ATP9A: variants seen among roughly 807,000 people sequenced by gnomAD.
The protein encoded by ATP9A is probable phospholipid-transporting ATPase IIA.
ATP9A carries 52 observed loss-of-function variants against 144.1 expected under a neutral mutation model. The observed-to-expected ratio is 0.36, with a 90% CI of 0.29 to 0.45. The LOEUF (loss-of-function observed/expected upper bound fraction) is 0.45. ATP9A is among the 20% of genes least tolerant of loss of function. The pLI, the probability that ATP9A is intolerant of heterozygous loss-of-function variation, is 1.00. For missense variants in ATP9A, 947 were observed against 1,392.7 expected, an observed-to-expected ratio of 0.68 and a Z score of 5.09; for synonymous variants, 582 against 557.4, an observed-to-expected ratio of 1.04 and a Z score of -0.62.
At chr20:51,628,341 G>A (rs912995679) in intron 16 of ATP9A, among the ~76,000 whole-genome samples, 1 of 152,174 alleles carries the variant, frequency 6.6e-6, no homozygotes, top group South Asian at 2.1e-4. Context: ...TGCAGCCTCT[G>A]ATGTGGCCCC....
intron 3 of ATP9A, among the ~76,000 whole-genome samples, chr20:51,713,924 GT>G (rs1278311390): frequency 6.6e-6 from 1 of 152,128 alleles, no homozygotes; most frequent in Non-Finnish European, 1.5e-5. Flanking sequence ...TGTTTTGTTT[GT>G]TTGTTGGAGT....
chr20:51,624,050 A>C (rs1264287358), intron 18 of ATP9A, among the ~76,000 whole-genome samples: 1 of 152,236 alleles, frequency 6.6e-6, no homozygotes, highest in East Asian at 1.9e-4. Context: ...AAGTCTTAGG[A>C]ATGGCCAGGG....
At chr20:51,741,178 G>A (rs2426403) in intron 1 of ATP9A, among the ~76,000 whole-genome samples, 15,200 of 152,146 alleles carry the variant, frequency 0.1, 950 homozygotes, top group South Asian at 0.19. Flanking sequence ...TCATGGCTGA[G>A]AGTTCTACTG....
intron 18 of ATP9A, among the ~76,000 whole-genome samples, chr20:51,623,521 C>T (rs1038751481): frequency 6.6e-6 from 1 of 152,098 alleles, no homozygotes; most frequent in Non-Finnish European, 1.5e-5. Flanking sequence ...TGGCTTACGC[C>T]TATAATCCCA....
At chr20:51,612,402 A>G (rs2077188178) in intron 23 of ATP9A, among the ~76,000 whole-genome samples, 1 of 152,134 alleles carries the variant, frequency 6.6e-6, no homozygotes. Flanking sequence ...TCCACACTTA[A>G]TTGCTACAGA....
In ATP9A at chr20:51,741,363, G is replaced by A. The variant is rs999458683; in HGVS notation, c.69-11385C>T. ...TGGGAGGCCGAGGCAGGCGGATCAC[G>A]AGGTCAGGGGATCGAGACCATCTGA... On this transcript the variant is annotated intron_variant, in intron 1 of 27. Coordinates refer to ENST00000338821, the MANE Select transcript of ATP9A (RefSeq NM_006045.3). Among the ~76,000 whole-genome samples the A allele has an allele frequency of 4.6e-5, 7 of 152,156 alleles. 1 individual carries two copies. The highest frequency in any genetic ancestry group is 3.9e-4 in the Admixed American group (6 of 15,276).
At position 51,601,274 on chromosome 20, in the gene ATP9A, G is replaced by C. The variant is rs776264747; in HGVS notation, c.3081C>G (p.Leu1027=). The C allele has an allele frequency of 6.2e-7, 1 of 1,614,070 alleles. No homozygotes were observed. Among genetic ancestry groups the C allele is most frequent in the Non-Finnish European group, 8.5e-7 (1 of 1,179,956 alleles). ...GTCTTCGCAGGTACTTGAGGACATAGAGGGGGAGGCAGCTGACCAGAGTGA... is the reference window on the plus strand; with the variant it reads ...GTCTTCGCAGGTACTTGAGGACATACAGGGGGAGGCAGCTGACCAGAGTGA... ...SVITLVSCLP[L]YVLKYLRRRF... Residue 1027 remains leucine (L), a synonymous_variant, in exon 28 of 28, where the codon CTC becomes CTG. Coordinates refer to ENST00000338821, the MANE Select transcript of ATP9A (RefSeq NM_006045.3).
At position 51,604,940 on chromosome 20, in the gene ATP9A, T is replaced by A; in HGVS notation, c.2884A>T (p.Ile962Phe). Residue 962 changes from isoleucine (I) to phenylalanine (F), a missense_variant, in exon 27 of 28, where the codon ATC becomes TTC. Transcript: ENST00000338821. Reference protein sequence around the residue: ...HIVAISFTSLILTELLMVALT... With the variant: ...HIVAISFTSLFLTELLMVALT... ...GCCACCATGAGCAGCTCGGTGAGGATCAGCGAGGTGAAGGAGATGGCCACG... is the reference window on the plus strand; with the variant it reads ...GCCACCATGAGCAGCTCGGTGAGGAACAGCGAGGTGAAGGAGATGGCCACG... 1 of 1,613,198 alleles carries A rather than the reference T, an allele frequency of 6.2e-7. No homozygotes were observed. The highest frequency in any genetic ancestry group is 8.5e-7 in the Non-Finnish European group (1 of 1,179,622).
At chr20:51,722,304 C>T (rs1378896884) in intron 3 of ATP9A, among the ~76,000 whole-genome samples, 2 of 152,118 alleles carry the variant, frequency 1.3e-5, no homozygotes, top group African/African-American at 4.8e-5. Context: ...TGACCAAGAA[C>T]CCAAAAGCAA....
At position 51,601,159 on chromosome 20, in the gene ATP9A, C is replaced by A; in HGVS notation, c.*52G>T. ...GGTTAATATAAATGGAACTTGAGCT[C>A]TGTCCATCAGGGAAGCGCCAAGACC... On this transcript the variant is annotated 3_prime_UTR_variant, in exon 28 of 28. Transcript: ENST00000338821. The A allele has an allele frequency of 6.5e-7, 1 of 1,526,872 alleles. No individual in the cohort carries two copies. Among genetic ancestry groups the A allele is most frequent in the Non-Finnish European group, 8.8e-7 (1 of 1,137,342 alleles). 94.6% of individuals were successfully genotyped at this position (1,526,872 alleles called of 1,614,324 possible).
chr20:51,627,512 G>A, intron 17 of ATP9A, 88 bp downstream of exon 17: 1 of 1,203,422 alleles, frequency 8.3e-7, no homozygotes, highest in Non-Finnish European at 1.2e-6. Context: ...ACATCAGAAT[G>A]GCTCGCATAG....
At chr20:51,617,034 C>T (rs2077206021) in intron 22 of ATP9A, among the ~76,000 whole-genome samples, 2 of 151,454 alleles carry the variant, frequency 1.3e-5, no homozygotes, top group African/African-American at 2.4e-5. Flanking sequence ...CTCTGCCTCC[C>T]GGGTTCAGGC....
intron 17 of ATP9A, 143 bp downstream of exon 17, chr20:51,627,457 G>T: frequency 1.3e-6 from 1 of 756,588 alleles, no homozygotes; most frequent in Non-Finnish European, 2.3e-6. Context: ...AGAACGGCAA[G>T]TGCAAAGGCC....
chr20:51,741,609 G>A (rs2077785651), intron 1 of ATP9A, among the ~76,000 whole-genome samples: 1 of 152,052 alleles, frequency 6.6e-6, no homozygotes, highest in Non-Finnish European at 1.5e-5. Flanking sequence ...AAAAGGAAGT[G>A]GACCTCACAA....
chr20:51,629,042 T>C lies in ATP9A; in HGVS notation c.1699A>G (p.Met567Val), dbSNP rs955126827. 2.5e-6 allele frequency: 4 copies of C among 1,614,008 alleles called. No homozygotes were observed. Among genetic ancestry groups the C allele is most frequent in the African/African-American group, 2.7e-5 (2 of 74,932 alleles). The change falls in exon 16 of 28, where the codon ATG becomes GTG. Residue 567 changes from methionine (M) to valine (V), a missense_variant. Around this residue, in one of 2 missense-constraint regions of ATP9A, gnomAD observed 770 missense variants for 1,047.9 expected, o/e 0.73. Transcript: ENST00000338821. ...DESTGEITFY[M>V]KGADVVMAGI... ...GCCATGACCACATCTGCTCCCTTCA[T>C]GTAAAACGTAATTTCTCCAGTTGAT... is the stretch of plus-strand genomic sequence containing the variant.
At chr20:51,765,529 T>C (rs1601153093) in intron 1 of ATP9A, among the ~76,000 whole-genome samples, 1 of 149,672 alleles carries the variant, frequency 6.7e-6, no homozygotes, top group Non-Finnish European at 1.5e-5. Flanking sequence ...TGCATGCCTG[T>C]AATCCCAGCT....
intron 15 of ATP9A, among the ~76,000 whole-genome samples, chr20:51,637,306 TAAAA>T (rs3029335): frequency 1.9e-3 from 171 of 89,980 alleles, no homozygotes; most frequent in African/African-American, 5.3e-3. Context: ...TCCCTAACAT[TAAAA>T]AAAAAAAAAA....
In ATP9A at chr20:51,694,081, T is replaced by A; in HGVS notation, c.569A>T (p.Asp190Val). 6.2e-7 allele frequency: 1 copy of A among 1,614,100 alleles called. No individual in the cohort carries two copies. ...CCAGTCCGTCTCCCCATCCAGCTGA[T>A]CCGTCCGCAAGAAGCATGACCCTGT... is the stretch of plus-strand genomic sequence containing the variant. Reference protein sequence around the residue: ...EKNGSCFLRTDQLDGETDWKL... With the variant: ...EKNGSCFLRTVQLDGETDWKL... Residue 190 changes from aspartate (D) to valine (V), a missense_variant, in exon 7 of 28, where the codon GAT becomes GTT. By Grantham distance (152) the Asp-to-Val change is radical (BLOSUM62 -3). Coordinates refer to ENST00000338821, the MANE Select transcript of ATP9A (RefSeq NM_006045.3).
At chr20:51,733,218 A>G (rs2122878878) in intron 1 of ATP9A, among the ~76,000 whole-genome samples, 1 of 152,324 alleles carries the variant, frequency 6.6e-6, no homozygotes, top group Admixed American at 6.5e-5. Flanking sequence ...TTGGAAACAA[A>G]TCTAACCATT....
Sources: allele counts gnomAD v4.1 joint callset (sites outside exome capture counted in the v4.1 genomes callset), GRCh38; gene constraint gnomAD v4.1.1; regional missense constraint gnomAD v4.1.1; transcripts MANE v1.5; gene names NCBI Gene and HGNC (gene_info 2026-07-23, HGNC 2026-07-21).